The following ADARB1 variants were observed in gnomAD, a reference collection of about 807,000 sequenced individuals.
The protein encoded by ADARB1 is adenosine deaminase RNA specific B1.
In ADARB1, 10 loss-of-function variants were observed where a neutral mutation model predicts 52.4. The ratio of observed to expected loss-of-function variants is 0.19; its 90% CI spans 0.12 to 0.32. The LOEUF (loss-of-function observed/expected upper bound fraction) is 0.32, where lower values mean the gene tolerates loss of function less well. Ranked by LOEUF, ADARB1 falls within the 10% of genes least tolerant of loss-of-function variation. The probability of loss-of-function intolerance (pLI) is 1.00; values close to 1 mark genes in which losing one functional copy is unlikely to be tolerated. For synonymous variants in ADARB1, 349 were observed against 371.1 expected, an observed-to-expected ratio of 0.94 and a Z score of 0.68; for missense variants, 643 against 922.3, an observed-to-expected ratio of 0.70 and a Z score of 3.92.
chr21:45,188,105 G>T (rs1179069033), intron 8 of ADARB1, among the ~76,000 whole-genome samples: 1 of 151,968 alleles, frequency 6.6e-6, no homozygotes, highest in Non-Finnish European at 1.5e-5. Context: ...GAAAACATTT[G>T]GTCCTGGGCT....
In ADARB1 at chr21:45,113,497, ATGTGTG is replaced by A. The variant is rs35666010; in HGVS notation, c.-219-14883_-219-14878del. Among the ~76,000 whole-genome samples, 245 of 146,392 alleles carry A rather than the reference ATGTGTG, an allele frequency of 1.7e-3. 1 individual carries two copies. Among genetic ancestry groups the A allele is most frequent in the Middle Eastern group, 3.4e-3 (1 of 290 alleles). The stretch of plus-strand genomic sequence containing the variant: ...TATATATATGTGTGTGTGTGTATAT[ATGTGTG>A]TGTGTGTGTGTGTGTGTGTGTATAT... On this transcript the variant is annotated intron_variant, in intron 1 of 10. Coordinates refer to ENST00000348831, the MANE Select transcript of ADARB1 (RefSeq NM_001112.4).
chr21:45,108,489 A>G (rs1159657954), intron 1 of ADARB1, among the ~76,000 whole-genome samples: 1 of 152,206 alleles, frequency 6.6e-6, no homozygotes, highest in Non-Finnish European at 1.5e-5. Context: ...TAGACTTTAT[A>G]ACAAAAGCAG....
rs780028255 is a variant in ADARB1, at chr21:45,221,873, C to G, written c.1927-145C>G. The G allele has an allele frequency of 4.9e-6, 4 of 809,020 alleles. No individual in the cohort carries two copies. The highest frequency in any genetic ancestry group is 7.8e-6 in the Non-Finnish European group (4 of 513,812). 50.1% of individuals were successfully genotyped at this position (809,020 alleles called of 1,614,324 possible). On this transcript the variant is annotated intron_variant, in intron 10 of 10. Transcript: ENST00000348831. This position sits in a 1 kb window ranked among gnomAD's most constrained non-coding sequence, Gnocchi z 4.9. ...GCACCTTGTTCTGTGTGAAGCCGTT[C>G]CCTTGGCAGAAGGCGCCTTCCTCTG... is the stretch of plus-strand genomic sequence containing the variant.
At chr21:45,096,394 C>T (rs1367915769) in intron 1 of ADARB1, among the ~76,000 whole-genome samples, 1 of 152,236 alleles carries the variant, frequency 6.6e-6, no homozygotes, top group East Asian at 1.9e-4. Flanking sequence ...AGTCTCGCTC[C>T]CTGCACCAGC....
chr21:45,187,847 T>C (rs1192893168), intron 8 of ADARB1, among the ~76,000 whole-genome samples: 1 of 152,218 alleles, frequency 6.6e-6, no homozygotes, highest in East Asian at 1.9e-4. Flanking sequence ...ATCCTTGCAT[T>C]CCAGGAGTAT....
chr21:45,215,222 A>G (rs957650161), intron 9 of ADARB1, among the ~76,000 whole-genome samples: 1 of 151,854 alleles, frequency 6.6e-6, no homozygotes, highest in African/African-American at 2.4e-5. Context: ...TCATTTTTAA[A>G]TTTTTTATAG....
At chr21:45,213,724 A>G (rs1483332300) in intron 9 of ADARB1, among the ~76,000 whole-genome samples, 1 of 152,224 alleles carries the variant, frequency 6.6e-6, no homozygotes, top group Non-Finnish European at 1.5e-5. Context: ...GGGTTTATCC[A>G]TAGTTCATTC....
In ADARB1 at chr21:45,142,661, T is replaced by G. The variant is rs908206172; in HGVS notation, c.-48+14088T>G. Among the ~76,000 whole-genome samples, 2 of 152,230 alleles carry G rather than the reference T, an allele frequency of 1.3e-5. No homozygotes were observed. Among genetic ancestry groups the G allele is most frequent in the Non-Finnish European group, 2.9e-5 (2 of 68,038 alleles). Reference sequence around the variant, plus strand: ...GACTCAGCCCAGCTGGCTGCCAGGCTGCTCCCCATGAGGTGGTGGGAGCCG... The same window carrying G: ...GACTCAGCCCAGCTGGCTGCCAGGCGGCTCCCCATGAGGTGGTGGGAGCCG... On this transcript the variant is annotated intron_variant, in intron 2 of 10. Transcript: ENST00000348831. The surrounding 1 kb of genome is among the most constrained non-coding windows in gnomAD (Gnocchi z 4.0).
intron 2 of ADARB1, among the ~76,000 whole-genome samples, chr21:45,166,326 C>T (rs1283300147): frequency 1.3e-5 from 2 of 152,160 alleles, no homozygotes; most frequent in Non-Finnish European, 2.9e-5. Context: ...TAGCTGAAAT[C>T]AAAAGCGAGC....
chr21:45,200,992 C>T lies in ADARB1; in HGVS notation c.1566-3563C>T, dbSNP rs1180747639. On this transcript the variant is annotated intron_variant, in intron 8 of 10. Coordinates refer to ENST00000348831, the MANE Select transcript of ADARB1 (RefSeq NM_001112.4). This position sits in a 1 kb window ranked among gnomAD's most constrained non-coding sequence, Gnocchi z 5.0. The stretch of plus-strand genomic sequence containing the variant: ...GAAGGCCAGGCACAGATGCCTAGAC[C>T]CGGGTGCACTGAGCCGAGGCCATGC... Among the ~76,000 whole-genome samples the T allele has an allele frequency of 6.6e-6, 1 of 152,208 alleles. No homozygotes were observed. Among genetic ancestry groups the T allele is most frequent in the East Asian group, 1.9e-4 (1 of 5,204 alleles).
chr21:45,111,970 C>G (rs896917804), intron 1 of ADARB1, among the ~76,000 whole-genome samples: 5 of 152,344 alleles, frequency 3.3e-5, no homozygotes, highest in Admixed American at 3.3e-4. Flanking sequence ...TTTCACCACA[C>G]TCCCCATGTG....
intron 8 of ADARB1, among the ~76,000 whole-genome samples, chr21:45,199,848 T>G (rs2146318249): frequency 6.6e-6 from 1 of 152,336 alleles, no homozygotes; most frequent in East Asian, 1.9e-4. Flanking sequence ...GCCATCCATT[T>G]GGAGGATCCT....
At chr21:45,099,212 G>C (rs2086894004) in intron 1 of ADARB1, among the ~76,000 whole-genome samples, 1 of 152,190 alleles carries the variant, frequency 6.6e-6, no homozygotes, top group Admixed American at 6.5e-5. Flanking sequence ...AGGAGGGGGT[G>C]GTGGTAGGGC....
intron 2 of ADARB1, among the ~76,000 whole-genome samples, chr21:45,156,087 C>CCAT (rs2090584026): frequency 6.6e-6 from 1 of 151,184 alleles, no homozygotes; most frequent in African/African-American, 2.5e-5. Context: ...CATCCATCTA[C>CCAT]CCACCCACCC....
chr21:45,082,100 C>T (rs1395197694), intron 1 of ADARB1, among the ~76,000 whole-genome samples: 1 of 152,136 alleles, frequency 6.6e-6, no homozygotes, highest in Non-Finnish European at 1.5e-5. Flanking sequence ...TCTTGGAGCT[C>T]TTTGGATGGT....
Position 45,204,799 on chromosome 21 carries a change from A to G in ADARB1, c.1747+63A>G, listed in dbSNP as rs903014438. 3 of 1,545,230 alleles carry G rather than the reference A, an allele frequency of 1.9e-6. No individual in the cohort carries two copies. Among genetic ancestry groups the G allele is most frequent in the African/African-American group, 2.7e-5 (2 of 73,144 alleles). On this transcript the variant is annotated intron_variant, in intron 9 of 10. Transcript: ENST00000348831. The surrounding 1 kb of genome is among the most constrained non-coding windows in gnomAD (Gnocchi z 4.4). ...TTGATTTTGCAATGTTTTCATCCTC[A>G]TGAATGAAAAAAACACCACCTGAGC...
intron 1 of ADARB1, among the ~76,000 whole-genome samples, chr21:45,109,328 A>G (rs948543169): frequency 6.6e-6 from 1 of 152,042 alleles, no homozygotes; most frequent in South Asian, 2.1e-4. Context: ...GCGTGTGCGT[A>G]TATGTGTGTG....
chr21:45,115,310 A>C (rs1258547036), intron 1 of ADARB1, among the ~76,000 whole-genome samples: 1 of 152,140 alleles, frequency 6.6e-6, no homozygotes, highest in Non-Finnish European at 1.5e-5. Flanking sequence ...CTCTCTGCTG[A>C]GTTGGTTCAG....
chr21:45,084,502 T>C (rs2086265424), intron 1 of ADARB1, among the ~76,000 whole-genome samples: 1 of 152,230 alleles, frequency 6.6e-6, no homozygotes, highest in South Asian at 2.1e-4. Flanking sequence ...AACGTGAAAC[T>C]CCAGGGGATT....
Sources: gnomAD v4.1 joint callset for allele counts (sites outside exome capture counted in the v4.1 genomes callset) on GRCh38, gnomAD v4.1.1 for gene constraint, Gnocchi (gnomAD v3.1) non-coding constraint, MANE v1.5 for transcripts, NCBI Gene and HGNC (gene_info 2026-07-23, HGNC 2026-07-21) for gene names.